RBPJ: variants seen among roughly 807,000 people sequenced by gnomAD.
The protein encoded by RBPJ is recombination signal binding protein for immunoglobulin kappa J region.
In RBPJ, 9 loss-of-function variants were observed where a neutral mutation model predicts 67.8. The observed-to-expected ratio is 0.13, with a 90% CI of 0.08 to 0.23. RBPJ has a LOEUF of 0.23. RBPJ is among the 10% of genes least tolerant of loss of function. RBPJ has a pLI of 1.00. For missense variants in RBPJ, 305 were observed against 595.6 expected, an observed-to-expected ratio of 0.51 and a Z score of 5.08; for synonymous variants, 198 against 203.3, an observed-to-expected ratio of 0.97 and a Z score of 0.22.
intron 1 of RBPJ, among the ~76,000 whole-genome samples, chr4:26,337,971 T>C (rs1483133580): frequency 2.0e-5 from 3 of 151,824 alleles, no homozygotes; most frequent in Admixed American, 6.5e-5. Context: ...CTTTTGTCAA[T>C]TCTATGGTTT....
chr4:26,286,706 G>A (rs1183994384), intron 1 of RBPJ, among the ~76,000 whole-genome samples: 2 of 151,216 alleles, frequency 1.3e-5, no homozygotes, highest in Non-Finnish European at 2.9e-5. Flanking sequence ...AGGTGTTCAT[G>A]TCAATATATA....
chr4:26,203,543 G>A lies in RBPJ; in HGVS notation c.-167+39929G>A, dbSNP rs79446173. Reference sequence around the variant, plus strand: ...TCTTCCTCCCCTAACAAGTAAGCTCGGTGAGAGAAGGGACTTCTCTCTATT... The same window carrying A: ...TCTTCCTCCCCTAACAAGTAAGCTCAGTGAGAGAAGGGACTTCTCTCTATT... On this transcript the variant is annotated intron_variant, in intron 1 of 4. Transcript: ENST00000512351. Among the ~76,000 whole-genome samples the A allele has an allele frequency of 3.4e-3, 512 of 152,166 alleles. 2 individuals are homozygous for A. The highest frequency in any genetic ancestry group is 0.012 in the African/African-American group (487 of 41,512).
At chr4:26,157,854 A>T in the RBPJ span, among the ~76,000 whole-genome samples, 1 of 152,210 alleles carries the variant, frequency 6.6e-6, no homozygotes, top group Non-Finnish European at 1.5e-5. Context: ...ACATGGTAAC[A>T]ACAGGTTTTT....
chr4:26,333,936 G>T (rs188396261), intron 1 of RBPJ, among the ~76,000 whole-genome samples: 22 of 152,122 alleles, frequency 1.4e-4, no homozygotes, highest in Non-Finnish European at 2.1e-4. Flanking sequence ...CAAAGTGCTG[G>T]AATTATAGTT....
chr4:26,140,618 C>A, the RBPJ span, among the ~76,000 whole-genome samples: 1 of 109,468 alleles, frequency 9.1e-6, no homozygotes, highest in Non-Finnish European at 2.1e-5. Context: ...CAAGCCAAAG[C>A]CGCCCCACCC....
At chr4:26,231,749 G>A (rs752798982) in intron 1 of RBPJ, among the ~76,000 whole-genome samples, 53 of 151,510 alleles carry the variant, frequency 3.5e-4, no homozygotes, top group Non-Finnish European at 6.6e-4. Context: ...GGGTTTCACC[G>A]TGTTAGCCAG....
intron 1 of RBPJ, among the ~76,000 whole-genome samples, chr4:26,369,533 GGAAA>G (rs1728950660): frequency 2.0e-5 from 3 of 152,308 alleles, no homozygotes; most frequent in East Asian, 3.9e-4. Flanking sequence ...AGCAAAATGT[GGAAA>G]GAGTTTATGT....
intron 1 of RBPJ, among the ~76,000 whole-genome samples, chr4:26,364,691 AT>A (rs1560296573): frequency 7.8e-6 from 1 of 127,560 alleles, no homozygotes; most frequent in East Asian, 2.3e-4. Flanking sequence ...CAATTGTGTG[AT>A]CTCGGCTCAC....
intron 2 of RBPJ, among the ~76,000 whole-genome samples, chr4:26,399,725 G>A (rs902836964): frequency 6.6e-5 from 10 of 151,740 alleles, no homozygotes; most frequent in East Asian, 1.9e-4. Flanking sequence ...GGAGTCTGTC[G>A]CTCAGGCTGG....
In RBPJ at chr4:26,430,351, A is replaced by G. The variant is rs897521685; in HGVS notation, c.1045-68A>G. On this transcript the variant is annotated intron_variant, in intron 9 of 10. Coordinates refer to ENST00000355476, the MANE Select transcript of RBPJ (RefSeq NM_015874.6). This position sits in a 1 kb window ranked among gnomAD's most constrained non-coding sequence, Gnocchi z 4.1. ...AAAAACAAATGAAAGTTGAATGAGA[A>G]TCTAATTTGTGTACTTTAATGAAAA... is the stretch of plus-strand genomic sequence containing the variant. The G allele has an allele frequency of 8.3e-5, 106 of 1,278,186 alleles. No homozygotes were observed. The highest frequency in any genetic ancestry group is 4.6e-4 in the Admixed American group (24 of 52,218). 79.2% of individuals were successfully genotyped at this position (1,278,186 alleles called of 1,614,324 possible).
intron 1 of RBPJ, among the ~76,000 whole-genome samples, chr4:26,197,562 T>C (rs554859280): frequency 1.3e-5 from 2 of 152,306 alleles, no homozygotes; most frequent in African/African-American, 2.4e-5. Flanking sequence ...TCGGCACTGA[T>C]GCTCAAACCA....
chr4:26,310,209 C>T (rs1722384158), intron 1 of RBPJ, among the ~76,000 whole-genome samples: 1 of 152,188 alleles, frequency 6.6e-6, no homozygotes, highest in African/African-American at 2.4e-5. Context: ...TTCTTTTAAT[C>T]CTGGAGTTCG....
chr4:26,186,057 CAAAAAG>C (rs1717242451), intron 1 of RBPJ, among the ~76,000 whole-genome samples: 1 of 151,580 alleles, frequency 6.6e-6, no homozygotes, highest in Admixed American at 6.6e-5. Flanking sequence ...AAGAAAAAAA[CAAAAAG>C]AAAAAGAAAG....
In RBPJ at chr4:26,431,958, T is replaced by C. The variant is rs563612692; in HGVS notation, c.*951T>C. 1 of 152,370 alleles carries C rather than the reference T, an allele frequency of 6.6e-6. No homozygotes were observed. Among genetic ancestry groups the C allele is most frequent in the Non-Finnish European group, 1.5e-5 (1 of 68,040 alleles). 9.4% of individuals were successfully genotyped at this position (152,370 alleles called of 1,614,324 possible). Reference sequence around the variant, plus strand: ...GAACTTGTTGATATTTGAAGTGTTCTCTCCCCTTTTCCCATGACGTAAATA... The same window carrying C: ...GAACTTGTTGATATTTGAAGTGTTCCCTCCCCTTTTCCCATGACGTAAATA... On this transcript the variant is annotated 3_prime_UTR_variant, in exon 11 of 11. Coordinates refer to ENST00000355476, the MANE Select transcript of RBPJ (RefSeq NM_015874.6).
the RBPJ span, among the ~76,000 whole-genome samples, chr4:26,156,414 C>CTT: frequency 0.023 from 2,177 of 93,462 alleles, 81 homozygotes; most frequent in African/African-American, 0.044. Flanking sequence ...TCTTTTCTTT[C>CTT]TTTTTTTTTT....
intron 1 of RBPJ, among the ~76,000 whole-genome samples, chr4:26,270,436 A>AGAAAGAAAGAAAGAAC: frequency 2.1e-5 from 1 of 48,274 alleles, no homozygotes; most frequent in East Asian, 4.4e-4. Flanking sequence ...AAAGAAAGAA[A>AGAAAGAAAGAAAGAAC]GAAGAAAGAA....
At chr4:26,170,656 G>T (rs1716543858) in intron 1 of RBPJ, among the ~76,000 whole-genome samples, 1 of 152,106 alleles carries the variant, frequency 6.6e-6, no homozygotes, top group Non-Finnish European at 1.5e-5. Flanking sequence ...GGCTGAATGT[G>T]ATTCAACCAA....
intron 1 of RBPJ, among the ~76,000 whole-genome samples, chr4:26,327,755 G>A (rs1723789810): frequency 6.6e-6 from 1 of 152,002 alleles, no homozygotes; most frequent in Admixed American, 6.6e-5. Flanking sequence ...TGAGGTAGGA[G>A]GATGGCCTGA....
chr4:26,181,008 T>G (rs367720592), intron 1 of RBPJ, among the ~76,000 whole-genome samples: 1 of 152,176 alleles, frequency 6.6e-6, no homozygotes, highest in African/African-American at 2.4e-5. Flanking sequence ...TCTGCACATG[T>G]TCTTTTGCCT....
Sources: gnomAD v4.1 joint callset for allele counts (sites outside exome capture counted in the v4.1 genomes callset) on GRCh38, gnomAD v4.1.1 for gene constraint, Gnocchi (gnomAD v3.1) non-coding constraint, MANE v1.5 for transcripts, NCBI Gene and HGNC (gene_info 2026-07-23, HGNC 2026-07-21) for gene names.